DMD: variants seen among roughly 807,000 people sequenced by gnomAD.
The protein encoded by DMD is dystrophin.
A neutral mutation model predicts 330.1 loss-of-function variants in DMD; 63 were observed. The observed-to-expected ratio is 0.19, with a 90% CI of 0.16 to 0.24. DMD has a LOEUF of 0.24. DMD is among the 10% of genes least tolerant of loss of function. DMD has a pLI of 1.00. For missense variants in DMD, 3,344 were observed against 2,684.1 expected, an observed-to-expected ratio of 1.25 and a Z score of -5.43; for synonymous variants, 1,223 against 959.8, an observed-to-expected ratio of 1.27 and a Z score of -5.07.
chrX:32,403,290 T>G, intron 30 of DMD, among the ~76,000 whole-genome samples: 1 of 111,715 alleles, frequency 9.0e-6, no homozygotes. Context: ...TTGGATCACT[T>G]CAAAATATTC....
At chrX:31,413,339 CT>C (rs1252701684) in intron 60 of DMD, among the ~76,000 whole-genome samples, 1 of 112,311 alleles carries the variant, frequency 8.9e-6, no homozygotes, top group African/African-American at 3.2e-5. Flanking sequence ...GTACAAAAGA[CT>C]TTAAAAATCT....
intron 45 of DMD, among the ~76,000 whole-genome samples, chrX:31,966,430 G>A (rs1277019197): frequency 9.1e-6 from 1 of 109,640 alleles, no homozygotes; most frequent in African/African-American, 3.3e-5. Flanking sequence ...CACAAAAGTG[G>A]TCTCAGTGGA....
At chrX:32,021,744 ATAC>A (rs1172971133) in intron 44 of DMD, among the ~76,000 whole-genome samples, 2 of 112,327 alleles carry the variant, frequency 1.8e-5, no homozygotes, top group Non-Finnish European at 3.8e-5. Context: ...TGATTTGGAT[ATAC>A]TAGGCTAAAT....
At chrX:32,307,950 C>T (rs189117) in intron 42 of DMD, among the ~76,000 whole-genome samples, 16,406 of 110,236 alleles carry the variant, frequency 0.15, 988 homozygotes, top group African/African-American at 0.19. Flanking sequence ...TAAGCAATCA[C>T]AATCAATTAA....
At chrX:31,914,841 A>G (rs1235001770) in intron 47 of DMD, among the ~76,000 whole-genome samples, 1 of 112,277 alleles carries the variant, frequency 8.9e-6, no homozygotes, top group Non-Finnish European at 1.9e-5. Flanking sequence ...CAGGGTGACT[A>G]TCGTCAAAAT....
chrX:31,121,559 C>A lies in DMD; in HGVS notation c.*360G>T. Reference sequence around the variant, plus strand: ...AACTGTTATAAATTTTTAAACAACCCAAAATGCGTTCCATATAAAGAAATG... The same window carrying A: ...AACTGTTATAAATTTTTAAACAACCAAAAATGCGTTCCATATAAAGAAATG... On this transcript the variant is annotated 3_prime_UTR_variant, in exon 79 of 79. Transcript: ENST00000357033. 1 of 254,372 alleles carries A rather than the reference C, an allele frequency of 3.9e-6. No homozygotes were observed. Among genetic ancestry groups the A allele is most frequent in the Non-Finnish European group, 7.0e-6 (1 of 143,477 alleles). 21.0% of individuals were successfully genotyped at this position (254,372 alleles called of 1,213,427 possible). A position where few individuals can be genotyped will look rare whatever the true frequency, so the allele number is the denominator to read the frequency against.
chrX:32,185,256 T>C (rs138035627), intron 44 of DMD, among the ~76,000 whole-genome samples: 2 of 111,401 alleles, frequency 1.8e-5, no homozygotes, highest in East Asian at 5.7e-4. Flanking sequence ...CAGTCCCACA[T>C]AGTGTAGATT....
intron 1 of DMD, among the ~76,000 whole-genome samples, chrX:33,183,004 C>G (rs987903575): frequency 8.9e-6 from 1 of 111,782 alleles, no homozygotes; most frequent in African/African-American, 3.2e-5. Context: ...AGCGGAATAT[C>G]CTGTAATCTA....
chrX:32,135,979 T>G (rs1369601823), intron 44 of DMD, among the ~76,000 whole-genome samples: 1 of 111,525 alleles, frequency 9.0e-6, no homozygotes, highest in Non-Finnish European at 1.9e-5. Flanking sequence ...ATAAAACCAT[T>G]TAGAATTCGT....
intron 55 of DMD, among the ~76,000 whole-genome samples, chrX:31,587,640 G>T (rs958909876): frequency 1.8e-5 from 2 of 111,232 alleles, no homozygotes; most frequent in African/African-American, 6.5e-5. Flanking sequence ...GCCTCCTAAG[G>T]CCCTTATGAC....
At chrX:32,909,812 C>T (rs183215752) in intron 2 of DMD, among the ~76,000 whole-genome samples, 2 of 111,790 alleles carry the variant, frequency 1.8e-5, no homozygotes, top group East Asian at 5.6e-4. Flanking sequence ...TAAAATATTC[C>T]AAAACATTCT....
At chrX:31,427,697 G>A (rs776531920) in intron 60 of DMD, among the ~76,000 whole-genome samples, 2 of 111,801 alleles carry the variant, frequency 1.8e-5, no homozygotes, top group South Asian at 7.5e-4. Flanking sequence ...TTGAGTGGTA[G>A]AGGTCCCAGC....
intron 1 of DMD, among the ~76,000 whole-genome samples, chrX:33,229,093 A>G (rs546327114): frequency 1.9e-4 from 21 of 110,841 alleles, no homozygotes; most frequent in Middle Eastern, 4.7e-3. Context: ...GAGTTTTCTA[A>G]GTTCTTCGTA....
chrX:32,072,047 T>C (rs182425340), intron 44 of DMD, among the ~76,000 whole-genome samples: 75 of 112,190 alleles, frequency 6.7e-4, no homozygotes, highest in African/African-American at 2.4e-3. Flanking sequence ...TGTAAATGAA[T>C]TATATTACCA....
chrX:33,076,634 T>C (rs1047378439), intron 1 of DMD, among the ~76,000 whole-genome samples: 1 of 112,082 alleles, frequency 8.9e-6, no homozygotes, highest in African/African-American at 3.2e-5. Context: ...GTAACGTTTA[T>C]ATAGCACTTT....
chrX:31,757,112 CATAG>C (rs914518720), intron 51 of DMD, among the ~76,000 whole-genome samples: 1 of 110,358 alleles, frequency 9.1e-6, no homozygotes, highest in Non-Finnish European at 1.9e-5. Flanking sequence ...ATAAAATATT[CATAG>C]ATATATATGT....
At chrX:33,049,035 G>A (rs181603687) in intron 1 of DMD, among the ~76,000 whole-genome samples, 38 of 111,667 alleles carry the variant, frequency 3.4e-4, no homozygotes, top group Non-Finnish European at 5.6e-4. Flanking sequence ...AGCAGAACTA[G>A]TCTTCTCTCT....
At chrX:32,138,828 A>G (rs777053832) in intron 44 of DMD, among the ~76,000 whole-genome samples, 3 of 112,293 alleles carry the variant, frequency 2.7e-5, no homozygotes, top group Non-Finnish European at 5.6e-5. Flanking sequence ...AGTGCCTGGT[A>G]TGTGGATTAA....
At position 32,849,953 on chromosome X, in the gene DMD, C is replaced by T. The variant is rs3764763; in HGVS notation, c.94-133G>A. 0.26 allele frequency: 138,552 copies of T among 524,363 alleles called. 15,981 individuals are homozygous for T. The highest frequency in any genetic ancestry group is 0.65 in the African/African-American group (26,979 of 41,466). The allele number at this position is 524,363 out of a possible 1,213,427, so 43.2% of individuals were successfully genotyped here. ...TGCATAATTAATCTGCCGAAGATGA[C>T]GGATGAAAAAAGGAAAGTTCAAATG... On this transcript the variant is annotated intron_variant, in intron 2 of 78. Transcript: ENST00000357033.
Sources: gnomAD v4.1 joint callset for allele counts (sites outside exome capture counted in the v4.1 genomes callset) on GRCh38, gnomAD v4.1.1 for gene constraint, MANE v1.5 for transcripts, NCBI Gene and HGNC (gene_info 2026-07-23, HGNC 2026-07-21) for gene names.